Variants in ADK observed in about 807,000 individuals in gnomAD.
ADK encodes the protein N6,N6-dimethyladenosine kinase.
ADK carries 24 observed loss-of-function variants against 44.7 expected under a neutral mutation model. That is an observed-to-expected ratio of 0.54 (90% CI 0.39 to 0.76). The LOEUF (loss-of-function observed/expected upper bound fraction) is 0.76, where lower values mean the gene tolerates loss of function less well. ADK is among the 30% of genes least tolerant of loss of function. ADK has a pLI of 0.00. For missense variants in ADK, 321 were observed against 425.1 expected, an observed-to-expected ratio of 0.76 and a Z score of 2.15; for synonymous variants, 128 against 142.6, an observed-to-expected ratio of 0.90 and a Z score of 0.73.
chr10:74,456,969 A>T (rs192559610), intron 6 of ADK, among the ~76,000 whole-genome samples: 4 of 152,280 alleles, frequency 2.6e-5, no homozygotes, highest in African/African-American at 9.6e-5. Flanking sequence ...AAGACAAGAA[A>T]TAACTAAGAT....
chr10:74,515,676 G>A lies in ADK; in HGVS notation c.556-9580G>A, dbSNP rs143307312. Reference sequence around the variant, plus strand: ...TTTCTCAGGTTCTGATTGCTTGCAGGTAGCCCTACTCTGCTGGCCCTGGGC... The same window carrying A: ...TTTCTCAGGTTCTGATTGCTTGCAGATAGCCCTACTCTGCTGGCCCTGGGC... On this transcript the variant is annotated intron_variant, in intron 6 of 10. Transcript: ENST00000539909. Among the ~76,000 whole-genome samples the A allele has an allele frequency of 5.5e-4, 83 of 152,274 alleles. No homozygotes were observed. In the East Asian group the frequency reaches 6.6e-3, roughly 12 times the overall value.
chr10:74,309,482 C>G (rs1016378557), intron 3 of ADK, among the ~76,000 whole-genome samples: 2 of 152,084 alleles, frequency 1.3e-5, no homozygotes, highest in Non-Finnish European at 2.9e-5. Flanking sequence ...ACAACAGATA[C>G]AATTAAAGTC....
intron 6 of ADK, among the ~76,000 whole-genome samples, chr10:74,435,128 AAG>A (rs763181962): frequency 3.9e-5 from 6 of 152,166 alleles, no homozygotes; most frequent in Non-Finnish European, 7.4e-5. Context: ...TTAAAGATAT[AAG>A]AGATTTGAGT....
intron 2 of ADK, among the ~76,000 whole-genome samples, chr10:74,218,001 A>G (rs886710071): frequency 6.6e-6 from 1 of 152,220 alleles, no homozygotes; most frequent in Admixed American, 6.5e-5. Context: ...CCTCACCAGC[A>G]ATGGAACAAA....
In ADK at chr10:74,398,486, T is replaced by C. The variant is rs1290877184; in HGVS notation, c.462T>C (p.Asn154=). The C allele has an allele frequency of 3.7e-6, 6 of 1,611,208 alleles. No homozygotes were observed. Among genetic ancestry groups the C allele is most frequent in the Non-Finnish European group, 5.1e-6 (6 of 1,177,980 alleles). The change falls in exon 6 of 11, where the codon AAT becomes AAC. Residue 154 remains asparagine, a synonymous_variant. Transcript: ENST00000539909. ...ITGDNRSLIA[N]LAAANCYKKE... ...GTTGTTTTAGGTCCCTCATAGCTAATCTTGCTGCTGCCAATTGTTATAAAA... is the reference window on the plus strand; with the variant it reads ...GTTGTTTTAGGTCCCTCATAGCTAACCTTGCTGCTGCCAATTGTTATAAAA...
At chr10:74,614,115 T>G (rs1852656344) in intron 9 of ADK, among the ~76,000 whole-genome samples, 1 of 152,148 alleles carries the variant, frequency 6.6e-6, no homozygotes, top group South Asian at 2.1e-4. Context: ...TAGAATAACA[T>G]GTGGACCTGT....
At chr10:74,372,773 C>T (rs908553327) in intron 4 of ADK, among the ~76,000 whole-genome samples, 46 of 152,188 alleles carry the variant, frequency 3.0e-4, no homozygotes, top group African/African-American at 9.6e-4. Context: ...TGGCAGTTCT[C>T]CCCCAAATTG....
At chr10:74,250,392 T>C (rs1845603783) in intron 3 of ADK, among the ~76,000 whole-genome samples, 2 of 152,094 alleles carry the variant, frequency 1.3e-5, no homozygotes, top group African/African-American at 2.4e-5. Flanking sequence ...GCAAGGTCTG[T>C]TTGGAGAATG....
intron 6 of ADK, among the ~76,000 whole-genome samples, chr10:74,521,349 C>A (rs964945091): frequency 6.6e-6 from 1 of 152,140 alleles, no homozygotes; most frequent in Non-Finnish European, 1.5e-5. Context: ...TATCACAAGA[C>A]TCTTGTGTTG....
At chr10:74,587,924 A>G (rs1289209077) in intron 7 of ADK, among the ~76,000 whole-genome samples, 1 of 152,152 alleles carries the variant, frequency 6.6e-6, no homozygotes, top group African/African-American at 2.4e-5. Flanking sequence ...AATAATCATT[A>G]GATTGTGTCC....
At chr10:74,313,072 C>T (rs994629165) in intron 3 of ADK, among the ~76,000 whole-genome samples, 6 of 151,776 alleles carry the variant, frequency 4.0e-5, no homozygotes, top group African/African-American at 7.3e-5. Context: ...ACTGTTTTGC[C>T]TTTTTATTCT....
At chr10:74,692,949 A>G (rs1856046163) in intron 10 of ADK, among the ~76,000 whole-genome samples, 1 of 152,198 alleles carries the variant, frequency 6.6e-6, no homozygotes, top group Non-Finnish European at 1.5e-5. Context: ...AGGCAAAACT[A>G]TGGAGACTGT....
chr10:74,446,930 T>C (rs1413759462), intron 6 of ADK, among the ~76,000 whole-genome samples: 1 of 152,134 alleles, frequency 6.6e-6, no homozygotes, highest in African/African-American at 2.4e-5. Flanking sequence ...TTATAATGCT[T>C]TACCCAAAGC....
intron 4 of ADK, among the ~76,000 whole-genome samples, chr10:74,341,998 T>G (rs1841598650): frequency 6.6e-6 from 1 of 152,170 alleles, no homozygotes; most frequent in South Asian, 2.1e-4. Context: ...TTCTTTGTTT[T>G]CATGCTAAGT....
intron 1 of ADK, among the ~76,000 whole-genome samples, chr10:74,172,159 G>A (rs1375052586): frequency 3.0e-4 from 32 of 105,076 alleles, no homozygotes; most frequent in Non-Finnish European, 5.8e-4. Context: ...TTTTTTTTAA[G>A]ACAGGGTCTT....
At chr10:74,197,565 T>C (rs1249853076) in intron 1 of ADK, among the ~76,000 whole-genome samples, 1 of 151,894 alleles carries the variant, frequency 6.6e-6, no homozygotes. Flanking sequence ...CCAGGCGTGG[T>C]GGTGGGCACC....
intron 9 of ADK, among the ~76,000 whole-genome samples, chr10:74,647,939 C>A (rs1854112568): frequency 6.6e-6 from 1 of 152,124 alleles, no homozygotes; most frequent in South Asian, 2.1e-4. Flanking sequence ...GCAACTAATT[C>A]CTTGAAAAGC....
intron 4 of ADK, among the ~76,000 whole-genome samples, chr10:74,359,911 G>T (rs1842278032): frequency 6.6e-6 from 1 of 151,670 alleles, no homozygotes; most frequent in African/African-American, 2.4e-5. Flanking sequence ...TATTGTAAAT[G>T]GTTTGCTTTC....
intron 9 of ADK, among the ~76,000 whole-genome samples, chr10:74,632,093 ACTGT>A: frequency 6.6e-6 from 1 of 152,180 alleles, no homozygotes; most frequent in Admixed American, 6.5e-5. Flanking sequence ...CATCCCAGAA[ACTGT>A]CTCTCTCCAG....
Sources: allele counts gnomAD v4.1 joint callset (sites outside exome capture counted in the v4.1 genomes callset), GRCh38; gene constraint gnomAD v4.1.1; transcripts MANE v1.5; gene names NCBI Gene and HGNC (gene_info 2026-07-23, HGNC 2026-07-21).